The following LOC400499 variants were observed in gnomAD, a reference collection of about 807,000 sequenced individuals.
the LOC400499 span, chr16:11,393,565 A>C: frequency 2.4e-6 from 3 of 1,232,180 alleles, no homozygotes; most frequent in African/African-American, 4.7e-5. Flanking sequence ...CGAAGCTGGG[A>C]GGGGGAAGGC....
the LOC400499 span, among the ~76,000 whole-genome samples, chr16:11,397,789 G>GGATGGATGGATGGATGGAT: frequency 3.3e-4 from 44 of 134,214 alleles, no homozygotes; most frequent in African/African-American, 1.1e-3. Flanking sequence ...GAGGGAGGGA[G>GGATGGATGGATGGATGGAT]GGAGGGAGGG....
At chr16:11,431,004 C>A in the LOC400499 span, 1 of 399,038 alleles carries the variant, frequency 2.5e-6, no homozygotes, top group South Asian at 1.3e-4. Context: ...AAGTGCTTGC[C>A]GCTGCCCCCA....
At chr16:11,478,967 T>C in the LOC400499 span, among the ~76,000 whole-genome samples, 1 of 152,204 alleles carries the variant, frequency 6.6e-6, no homozygotes, top group East Asian at 1.9e-4. Flanking sequence ...CGTGACTTCC[T>C]CTCCTTGCCT....
At chr16:11,438,607 C>CAAA in the LOC400499 span, among the ~76,000 whole-genome samples, 3,300 of 59,790 alleles carry the variant, frequency 0.055, 153 homozygotes, top group East Asian at 0.13. Context: ...CCTGTCTCTG[C>CAAA]AAAAAAAAAA....
At chr16:11,448,991 C>G in the LOC400499 span, 16 of 1,522,304 alleles carry the variant, frequency 1.1e-5, no homozygotes, top group Non-Finnish European at 1.4e-5. Context: ...AGTTCAGGAT[C>G]TTACGGTCCC....
chr16:11,485,963 G>A, the LOC400499 span, among the ~76,000 whole-genome samples: 34 of 152,156 alleles, frequency 2.2e-4, no homozygotes, highest in African/African-American at 8.2e-4. Flanking sequence ...GGGTGGGTAT[G>A]TCCATGTATG....
chr16:11,464,142 G>A, the LOC400499 span, among the ~76,000 whole-genome samples: 1 of 123,442 alleles, frequency 8.1e-6, no homozygotes, highest in African/African-American at 3.2e-5. Context: ...ATATGGACGT[G>A]TGTATGATGT....
chr16:11,383,501 G>T, the LOC400499 span: 1 of 958,232 alleles, frequency 1.0e-6, no homozygotes, highest in Non-Finnish European at 1.4e-6. Context: ...CAAACAGGCA[G>T]TCTTAATAAA....
chr16:11,478,790 T>G, the LOC400499 span: 4 of 397,808 alleles, frequency 1.0e-5, no homozygotes, highest in African/African-American at 6.2e-5. Flanking sequence ...CTCCCATAAT[T>G]CCCACATGCT....
the LOC400499 span, chr16:11,450,538 C>T: frequency 6.9e-7 from 1 of 1,455,252 alleles, no homozygotes; most frequent in South Asian, 1.3e-5. Flanking sequence ...CAGCTTTCAT[C>T]CGCCTCTGCA....
chr16:11,407,456 G>A, the LOC400499 span: 3 of 395,840 alleles, frequency 7.6e-6, no homozygotes, highest in African/African-American at 4.1e-5. Flanking sequence ...CAAAGTCCCA[G>A]GCCCAAGAGA....
chr16:11,409,697 G>A, the LOC400499 span, among the ~76,000 whole-genome samples: 1 of 152,186 alleles, frequency 6.6e-6, no homozygotes, highest in Admixed American at 6.5e-5. Context: ...ATTAAATGAA[G>A]GTATTAATTC....
At chr16:11,504,049 C>A in the LOC400499 span, among the ~76,000 whole-genome samples, 3 of 152,048 alleles carry the variant, frequency 2.0e-5, no homozygotes, top group African/African-American at 7.3e-5. Context: ...GGGATGGTGC[C>A]TGCCCGGGAC....
the LOC400499 span, among the ~76,000 whole-genome samples, chr16:11,494,226 G>T: frequency 6.7e-6 from 1 of 149,824 alleles, no homozygotes; most frequent in Non-Finnish European, 1.5e-5. Flanking sequence ...CCACCTTCTC[G>T]GGGTAGGGGC....
chr16:11,404,899 C>T, the LOC400499 span: 10 of 398,680 alleles, frequency 2.5e-5, no homozygotes, highest in Non-Finnish European at 3.1e-5. Flanking sequence ...TGGGGGAACC[C>T]GACCCATGCT....
the LOC400499 span, chr16:11,393,633 G>T: frequency 3.4e-6 from 4 of 1,186,302 alleles, no homozygotes; most frequent in Non-Finnish European, 4.2e-6. Context: ...CCCGCCCCAG[G>T]CTCAGGAAGA....
the LOC400499 span, among the ~76,000 whole-genome samples, chr16:11,451,586 C>A: frequency 4.1e-5 from 6 of 146,010 alleles, no homozygotes; most frequent in South Asian, 2.1e-4. Context: ...AAACAAAAAA[C>A]CAAACAAAAA....
chr16:11,381,951 T>TC, the LOC400499 span, among the ~76,000 whole-genome samples: 2 of 151,980 alleles, frequency 1.3e-5, no homozygotes, highest in African/African-American at 4.8e-5. Flanking sequence ...TCTGGAATTT[T>TC]TTTTTTTTTG....
chr16:11,515,442 T>C, the LOC400499 span, among the ~76,000 whole-genome samples: 1 of 151,686 alleles, frequency 6.6e-6, no homozygotes, highest in African/African-American at 2.4e-5. Context: ...GGTGACAGAG[T>C]GGGACTCTGC....
Sources: allele counts gnomAD v4.1 joint callset (sites outside exome capture counted in the v4.1 genomes callset), GRCh38; gene constraint gnomAD v4.1.1; transcripts MANE v1.5.